GALNTL6: variants seen among roughly 807,000 people sequenced by gnomAD.
GALNTL6 encodes the protein polypeptide N-acetylgalactosaminyltransferase like 6, also known as polypeptide N-acetylgalactosaminyltransferase-like 6.
In GALNTL6, 46 loss-of-function variants were observed where a neutral mutation model predicts 73.7. That is an observed-to-expected ratio of 0.62 (90% CI 0.49 to 0.80). The LOEUF (loss-of-function observed/expected upper bound fraction) is 0.80. Among genes scored for constraint, GALNTL6 ranks in the 30% least tolerant of loss-of-function variants. The probability of loss-of-function intolerance (pLI) is 0.00; values close to 1 mark genes in which losing one functional copy is unlikely to be tolerated. For synonymous variants in GALNTL6, 259 were observed against 263.7 expected (o/e 0.98, Z 0.17); for missense variants, 604 against 755.0 (o/e 0.80, Z 2.34).
intron 5 of GALNTL6, among the ~76,000 whole-genome samples, chr4:172,416,762 G>A (rs142201372): frequency 0.016 from 2,393 of 152,170 alleles, 28 homozygotes; most frequent in Middle Eastern, 0.028. Flanking sequence ...GATGATTATA[G>A]TCATGTAAAT....
At chr4:172,605,692 A>G (rs1738229136) in intron 5 of GALNTL6, among the ~76,000 whole-genome samples, 1 of 152,174 alleles carries the variant, frequency 6.6e-6, no homozygotes, top group Non-Finnish European at 1.5e-5. Context: ...TGGCTAGAAT[A>G]TAAGATATAA....
intron 2 of GALNTL6, among the ~76,000 whole-genome samples, chr4:172,227,039 G>C (rs1320713229): frequency 2.0e-5 from 3 of 151,978 alleles, no homozygotes; most frequent in Non-Finnish European, 4.4e-5. Flanking sequence ...TACGTTAAAG[G>C]CTCCCCAAAA....
At chr4:172,723,057 G>A (rs896758237) in intron 5 of GALNTL6, among the ~76,000 whole-genome samples, 14 of 152,038 alleles carry the variant, frequency 9.2e-5, no homozygotes, top group African/African-American at 2.7e-4. Context: ...GGGTGCCCAC[G>A]TTCTTTGACT....
At chr4:172,010,865 AT>A (rs1740985823) in intron 2 of GALNTL6, among the ~76,000 whole-genome samples, 1 of 152,088 alleles carries the variant, frequency 6.6e-6, no homozygotes, top group South Asian at 2.1e-4. Context: ...TTCAGTGGTA[AT>A]TTGGCAAGGG....
rs1381630468 is a variant in GALNTL6, at chr4:172,069,484, A to C, written c.139-160172A>C. ...CACATATAACATATATGTTATATAT[A>C]ACACATATGTTATATGTATAACACA... On this transcript the variant is annotated intron_variant, in intron 2 of 12. Transcript: ENST00000506823. 6.7e-5 allele frequency among the ~76,000 whole-genome samples: 2 copies of C among 29,668 alleles called. 1 individual carries two copies. The highest frequency in any genetic ancestry group is 2.4e-4 in the Non-Finnish European group (2 of 8,422). 19.5% of individuals were successfully genotyped at this position (29,668 alleles called of 152,430 possible).
intron 7 of GALNTL6, among the ~76,000 whole-genome samples, chr4:172,856,718 A>G (rs1328631117): frequency 6.6e-6 from 1 of 152,216 alleles, no homozygotes; most frequent in African/African-American, 2.4e-5. Flanking sequence ...GTCCAACCTC[A>G]TCAGCTTTCA....
rs904649243 is a variant in GALNTL6 at position 171,979,482 on chromosome 4, G to T, written c.138+164764G>T. Among the ~76,000 whole-genome samples, 10 of 152,176 alleles carry T rather than the reference G, an allele frequency of 6.6e-5. 1 individual carries two copies. The highest frequency in any genetic ancestry group is 5.2e-4 in the Admixed American group (8 of 15,276). Reference sequence around the variant, plus strand: ...AAAAACAACAATTAGGATTGAAATTGGTTCCTACTTGGGTCAGGGAAAAGA... The same window carrying T: ...AAAAACAACAATTAGGATTGAAATTTGTTCCTACTTGGGTCAGGGAAAAGA... On this transcript the variant is annotated intron_variant, in intron 2 of 12. Coordinates refer to ENST00000506823, the MANE Select transcript of GALNTL6 (RefSeq NM_001034845.3).
chr4:171,853,105 C>T lies in GALNTL6; in HGVS notation c.138+38387C>T, dbSNP rs547863062. 4.1e-5 allele frequency among the ~76,000 whole-genome samples: 6 copies of T among 147,088 alleles called. No individual in the cohort carries two copies. In the South Asian group the frequency reaches 1.3e-3, roughly 32 times the overall value. ...GTTTTGATCTCCTGACCTCGTGATCCGCCCGCTTCAGCCTCCCAAAGTGCT... is the reference window on the plus strand; with the variant it reads ...GTTTTGATCTCCTGACCTCGTGATCTGCCCGCTTCAGCCTCCCAAAGTGCT... On this transcript the variant is annotated intron_variant, in intron 2 of 12. Transcript: ENST00000506823.
chr4:172,065,642 CCTT>C (rs1238197146), intron 2 of GALNTL6, among the ~76,000 whole-genome samples: 1 of 152,054 alleles, frequency 6.6e-6, no homozygotes, highest in East Asian at 1.9e-4. Context: ...TCCCACATGC[CCTT>C]CTTTCTCCAC....
intron 2 of GALNTL6, among the ~76,000 whole-genome samples, chr4:171,969,401 G>A (rs1739493545): frequency 6.6e-6 from 1 of 152,200 alleles, no homozygotes; most frequent in African/African-American, 2.4e-5. Flanking sequence ...ACATCACCAT[G>A]TGTATACAGA....
At chr4:172,283,231 G>T (rs1181713260) in intron 3 of GALNTL6, among the ~76,000 whole-genome samples, 1 of 152,160 alleles carries the variant, frequency 6.6e-6, no homozygotes, top group Admixed American at 6.5e-5. Flanking sequence ...GAGGAAGTGT[G>T]TTATAGAAGA....
At chr4:172,541,728 G>A (rs1267130255) in intron 5 of GALNTL6, among the ~76,000 whole-genome samples, 1 of 152,062 alleles carries the variant, frequency 6.6e-6, no homozygotes, top group Non-Finnish European at 1.5e-5. Context: ...GATTTGAGAG[G>A]GCCACATGAG....
At chr4:172,039,898 A>G (rs563859305) in intron 2 of GALNTL6, among the ~76,000 whole-genome samples, 1 of 152,254 alleles carries the variant, frequency 6.6e-6, no homozygotes, top group South Asian at 2.1e-4. Context: ...GTTAATTTAT[A>G]TGCTTACTTT....
chr4:172,321,643 A>G (rs1379641123), intron 4 of GALNTL6, among the ~76,000 whole-genome samples: 2 of 152,222 alleles, frequency 1.3e-5, no homozygotes, highest in African/African-American at 4.8e-5. Flanking sequence ...AAGACCATAT[A>G]AAACTTCTAG....
intron 3 of GALNTL6, among the ~76,000 whole-genome samples, chr4:172,237,947 T>A (rs189042951): frequency 6.6e-6 from 1 of 152,148 alleles, no homozygotes; most frequent in African/African-American, 2.4e-5. Flanking sequence ...TTGGTCTATG[T>A]GTCTATTTTG....
rs552007225 is a variant in GALNTL6 at position 172,537,529 on chromosome 4, A to G, written c.553+188840A>G. ...ATTGTGAGGCCTCCCTGGCCCAGCC[A>G]TGTAGAACTGTGAGTCCTCTAAAGC... On this transcript the variant is annotated intron_variant, in intron 5 of 12. Transcript: ENST00000506823. 1.8e-3 allele frequency among the ~76,000 whole-genome samples: 269 copies of G among 152,354 alleles called. 1 individual carries two copies. Among genetic ancestry groups the G allele is most frequent in the African/African-American group, 5.7e-3 (236 of 41,582 alleles).
chr4:172,669,987 C>T (rs1361313524), intron 5 of GALNTL6, among the ~76,000 whole-genome samples: 1 of 152,102 alleles, frequency 6.6e-6, no homozygotes, highest in Non-Finnish European at 1.5e-5. Flanking sequence ...CCATGTCCCT[C>T]CAAAAAACAT....
chr4:172,901,376 A>G (rs749441593), intron 8 of GALNTL6, among the ~76,000 whole-genome samples: 11 of 152,214 alleles, frequency 7.2e-5, no homozygotes, highest in Non-Finnish European at 1.5e-4. Context: ...TAAAAATAGA[A>G]GATAAAAATC....
intron 3 of GALNTL6, 119 bp downstream of exon 3, chr4:172,229,883 A>G: frequency 3.2e-6 from 2 of 632,802 alleles, no homozygotes; most frequent in Non-Finnish European, 5.6e-6. Context: ...TCATGGGGAT[A>G]TTGGAGGTGA....
Sources: allele counts gnomAD v4.1 joint callset (sites outside exome capture counted in the v4.1 genomes callset), GRCh38; gene constraint gnomAD v4.1.1; transcripts MANE v1.5; gene names NCBI Gene and HGNC (gene_info 2026-07-23, HGNC 2026-07-21).